BFSP1: variants seen among roughly 807,000 people sequenced by gnomAD.
BFSP1 encodes filensin.
Under a neutral mutation model 43.9 loss-of-function variants are expected in BFSP1, and 38 were observed. The ratio of observed to expected loss-of-function variants is 0.87; its 90% confidence interval spans 0.67 to 1.14. BFSP1 has a LOEUF of 1.14. BFSP1 is among the 50% of genes most tolerant of loss of function. The probability of loss-of-function intolerance (pLI) is 0.00; values close to 1 mark genes in which losing one functional copy is unlikely to be tolerated. For synonymous variants in BFSP1, 352 were observed against 354.8 expected (o/e 0.99, Z 0.09); for missense variants, 850 against 875.1 (o/e 0.97, Z 0.36).
chr20:17,556,562 T>C (rs1316187793), intron 1 of BFSP1, among the ~76,000 whole-genome samples: 1 of 152,066 alleles, frequency 6.6e-6, no homozygotes, highest in East Asian at 1.9e-4. Flanking sequence ...TCTATTACTA[T>C]CTATTGATCT....
chr20:17,541,518 A>G (rs2034718126), intron 1 of BFSP1, among the ~76,000 whole-genome samples: 1 of 152,258 alleles, frequency 6.6e-6, no homozygotes, highest in Non-Finnish European at 1.5e-5. Flanking sequence ...GAACAAAAAT[A>G]CATTTATTAA....
At chr20:17,541,890 T>G (rs1180860989) in intron 1 of BFSP1, among the ~76,000 whole-genome samples, 2 of 152,220 alleles carry the variant, frequency 1.3e-5, no homozygotes, top group Non-Finnish European at 2.9e-5. Flanking sequence ...TTGCATGACT[T>G]GGCAAGAACA....
intron 1 of BFSP1, among the ~76,000 whole-genome samples, chr20:17,543,984 A>AT (rs1004137642): frequency 3.9e-5 from 6 of 152,268 alleles, no homozygotes; most frequent in African/African-American, 1.4e-4. Context: ...ATCTGCCTTT[A>AT]TTTTTTGCAC....
At chr20:17,567,973 A>G (rs2035141831) in intron 1 of BFSP1, among the ~76,000 whole-genome samples, 1 of 151,862 alleles carries the variant, frequency 6.6e-6, no homozygotes, top group South Asian at 2.1e-4. Flanking sequence ...AAAAGAAGGA[A>G]CTACTATTGA....
chr20:17,547,893 G>A (rs1481631291), intron 1 of BFSP1, among the ~76,000 whole-genome samples: 1 of 124,144 alleles, frequency 8.1e-6, no homozygotes, highest in Non-Finnish European at 1.6e-5. Flanking sequence ...ACCATGCCCG[G>A]CCAATTTTTT....
At chr20:17,528,631 C>G (rs958033002) in intron 1 of BFSP1, among the ~76,000 whole-genome samples, 1 of 152,110 alleles carries the variant, frequency 6.6e-6, no homozygotes. Context: ...GTGAGAAAAC[C>G]CAGGTTCAAG....
At chr20:17,564,670 C>A (rs957752664) in intron 1 of BFSP1, among the ~76,000 whole-genome samples, 25 of 152,082 alleles carry the variant, frequency 1.6e-4, no homozygotes, top group Non-Finnish European at 3.1e-4. Flanking sequence ...CTCACTGCAA[C>A]CTCCGCCTCC....
At chr20:17,497,742 T>A (rs1397009943) in intron 6 of BFSP1, among the ~76,000 whole-genome samples, 1 of 151,670 alleles carries the variant, frequency 6.6e-6, no homozygotes, top group African/African-American at 2.4e-5. Flanking sequence ...GCAATTGAGA[T>A]AAAATATAAA....
chr20:17,564,318 G>A (rs2035096369), intron 1 of BFSP1, among the ~76,000 whole-genome samples: 1 of 148,834 alleles, frequency 6.7e-6, no homozygotes, highest in Non-Finnish European at 1.5e-5. Context: ...AGTGAGCCGT[G>A]TTTGTACAAC....
At position 17,504,346 on chromosome 20, in the gene BFSP1, T is replaced by C. The variant is rs914363923; in HGVS notation, c.735+4543A>G. On this transcript the variant is annotated intron_variant, in intron 5 of 7. Transcript: ENST00000377873. ...TTAAACCTTTCATCAGAAGGAAGAG[T>C]GTTCAGGAAAACCAGTAAGAGCTCC... is the stretch of plus-strand genomic sequence containing the variant. Among the ~76,000 whole-genome samples, 3 of 151,708 alleles carry C rather than the reference T, an allele frequency of 2.0e-5. No individual in the cohort carries two copies. The South Asian group carries it at 6.3e-4, about 32-fold the overall frequency.
chr20:17,524,344 T>G (rs1304810069), intron 2 of BFSP1, among the ~76,000 whole-genome samples: 1 of 152,150 alleles, frequency 6.6e-6, no homozygotes, highest in East Asian at 1.9e-4. Flanking sequence ...GTCAAGTGGC[T>G]AAGAACCCCT....
intron 2 of BFSP1, among the ~76,000 whole-genome samples, chr20:17,521,187 G>A (rs2034312647): frequency 6.6e-6 from 1 of 152,136 alleles, no homozygotes; most frequent in Non-Finnish European, 1.5e-5. Flanking sequence ...TACATCAAAA[G>A]GCTGAGAAGT....
upstream of BFSP1, among the ~76,000 whole-genome samples, chr20:17,561,494 G>T (rs1398665226): frequency 6.7e-6 from 1 of 149,260 alleles, no homozygotes; most frequent in Non-Finnish European, 1.5e-5. Context: ...GCGAAACTCC[G>T]CCTCAAAGAA....
chr20:17,543,796 TAAGTTA>T (rs2034758827), intron 1 of BFSP1, among the ~76,000 whole-genome samples: 1 of 152,208 alleles, frequency 6.6e-6, no homozygotes, highest in African/African-American at 2.4e-5. Flanking sequence ...TATGTCCGCT[TAAGTTA>T]AATAGTCTGG....
intron 1 of BFSP1, among the ~76,000 whole-genome samples, chr20:17,564,256 A>C (rs1036335000): frequency 5.3e-5 from 8 of 151,574 alleles, no homozygotes; most frequent in Admixed American, 2.0e-4. Context: ...GGTCCCAGCT[A>C]CTCAAGAGGC....
rs2033890027 is a variant in BFSP1, at chr20:17,504,810, A to G, written c.735+4079T>C. Among the ~76,000 whole-genome samples the G allele has an allele frequency of 2.6e-5, 4 of 152,092 alleles. No homozygotes were observed. In the East Asian group the frequency reaches 7.7e-4, roughly 29 times the overall value. ...CTCCCCACTGGGCTGTGAGCCGCTG[A>G]GGGCACGACACAGGCAGGAGCCTGA... On this transcript the variant is annotated intron_variant, in intron 5 of 7. Coordinates refer to ENST00000377873, the MANE Select transcript of BFSP1 (RefSeq NM_001195.5).
intron 1 of BFSP1, among the ~76,000 whole-genome samples, chr20:17,558,013 C>T (rs1349140583): frequency 6.6e-6 from 1 of 151,970 alleles, no homozygotes; most frequent in Non-Finnish European, 1.5e-5. Context: ...TCAGGAGGAC[C>T]CCAGCCATTA....
At chr20:17,497,521 T>TATAC (rs2033670058) in intron 6 of BFSP1, among the ~76,000 whole-genome samples, 1 of 148,116 alleles carries the variant, frequency 6.8e-6, no homozygotes, top group African/African-American at 2.5e-5. Flanking sequence ...CGTATATATA[T>TATAC]ACACACACGT....
intron 2 of BFSP1, among the ~76,000 whole-genome samples, chr20:17,518,891 C>T (rs565398581): frequency 2.6e-5 from 4 of 152,320 alleles, no homozygotes; most frequent in African/African-American, 9.6e-5. Context: ...TGCCTGACAG[C>T]TGGACCACAC....
Sources: gnomAD v4.1 joint callset for allele counts (sites outside exome capture counted in the v4.1 genomes callset) on GRCh38, gnomAD v4.1.1 for gene constraint, MANE v1.5 for transcripts, NCBI Gene and HGNC (gene_info 2026-07-23, HGNC 2026-07-21) for gene names.